The following MRPL19 variants were observed in gnomAD, a reference collection of about 807,000 sequenced individuals.
MRPL19 encodes the protein mitochondrial ribosomal protein L19, also known as large ribosomal subunit protein bL19m.
Under a neutral mutation model 34.0 loss-of-function variants are expected in MRPL19, and 31 were observed. The observed-to-expected ratio is 0.91, with a 90% CI of 0.68 to 1.23. The LOEUF (loss-of-function observed/expected upper bound fraction) is 1.23, where lower values mean the gene tolerates loss of function less well. Ranked by LOEUF, MRPL19 falls within the 50% of genes most tolerant of loss-of-function variation. The pLI, the probability that MRPL19 is intolerant of heterozygous loss-of-function variation, is 0.00. For missense variants in MRPL19, 384 were observed against 367.6 expected (o/e 1.04, Z -0.37); for synonymous variants, 152 against 127.7 (o/e 1.19, Z -1.28).
rs571937044 is a variant in MRPL19, at chr2:75,660,955, G to C, written c.*5670G>C. On this transcript the variant is annotated 3_prime_UTR_variant, in exon 6 of 6. Transcript: ENST00000393909. ...TTGGATATCTTGACCATAGTCTTTC[G>C]ACCCAGGTGTTTGCGGTTGTTAGTT... 3 of 152,158 alleles carry C rather than the reference G, an allele frequency of 2.0e-5. No individual in the cohort carries two copies. The East Asian group carries it at 5.8e-4, about 29-fold the overall frequency. 9.4% of individuals were successfully genotyped at this position (152,158 alleles called of 1,614,324 possible).
chr2:75,655,503 T>C lies in MRPL19; in HGVS notation c.*218T>C, dbSNP rs976249136. On this transcript the variant is annotated 3_prime_UTR_variant, in exon 6 of 6. Coordinates refer to ENST00000393909, the MANE Select transcript of MRPL19 (RefSeq NM_014763.4). ...AAATGGACCAATGTCCATTTGCTTATTGGAGGCAAAGCTACAATAGAAGTC... is the reference window on the plus strand; with the variant it reads ...AAATGGACCAATGTCCATTTGCTTACTGGAGGCAAAGCTACAATAGAAGTC... 4.7e-6 allele frequency: 2 copies of C among 423,020 alleles called. No individual in the cohort carries two copies. Among genetic ancestry groups the C allele is most frequent in the Non-Finnish European group, 4.2e-6 (1 of 239,646 alleles). The allele number at this position is 423,020 out of a possible 1,614,324, so 26.2% of individuals were successfully genotyped here.
In MRPL19 at chr2:75,661,180, G is replaced by C. The variant is rs1473578048; in HGVS notation, c.*5895G>C. 6.6e-6 allele frequency: 1 copy of C among 152,160 alleles called. No homozygotes were observed. Among genetic ancestry groups the C allele is most frequent in the Non-Finnish European group, 1.5e-5 (1 of 68,028 alleles). The allele number at this position is 152,160 out of a possible 1,614,324, so 9.4% of individuals were successfully genotyped here. ...CTGCTGCAACACCAGGGAGCTTGTG[G>C]GGGAAGGGCAAGCAGAAATGTCACA... On this transcript the variant is annotated 3_prime_UTR_variant, in exon 6 of 6. Transcript: ENST00000393909.
chr2:75,660,503 GTTTTAT>G lies in MRPL19; in HGVS notation c.*5226_*5231del, dbSNP rs1249939190. ...GATATTCCCCCCTTCCTGAGAGTTA[GTTTTAT>G]TTTTATTATTGAAGATTGTAGCAGT... On this transcript the variant is annotated 3_prime_UTR_variant, in exon 6 of 6. Transcript: ENST00000393909. 9 of 152,094 alleles carry G rather than the reference GTTTTAT, an allele frequency of 5.9e-5. No homozygotes were observed. Among genetic ancestry groups the G allele is most frequent in the Non-Finnish European group, 1.2e-4 (8 of 68,006 alleles). The allele number at this position is 152,094 out of a possible 1,614,324, so 9.4% of individuals were successfully genotyped here.
Position 75,655,962 on chromosome 2 carries a change from T to C in MRPL19, c.*677T>C, listed in dbSNP as rs1420442387. 6.6e-6 allele frequency: 1 copy of C among 152,130 alleles called. No individual in the cohort carries two copies. Among genetic ancestry groups the C allele is most frequent in the African/African-American group, 2.4e-5 (1 of 41,424 alleles). 9.4% of individuals were successfully genotyped at this position (152,130 alleles called of 1,614,324 possible). Reference sequence around the variant, plus strand: ...GGCTTCAAGGGAAACGTTACAGTCTTTGGGTCATAGTCTGGCTTCAGCTTC... The same window carrying C: ...GGCTTCAAGGGAAACGTTACAGTCTCTGGGTCATAGTCTGGCTTCAGCTTC... On this transcript the variant is annotated 3_prime_UTR_variant, in exon 6 of 6. Coordinates refer to ENST00000393909, the MANE Select transcript of MRPL19 (RefSeq NM_014763.4).
At position 75,656,889 on chromosome 2, in the gene MRPL19, G is replaced by C. The variant is rs1272783459; in HGVS notation, c.*1604G>C. 2.0e-5 allele frequency: 3 copies of C among 151,696 alleles called. No homozygotes were observed. Among genetic ancestry groups the C allele is most frequent in the African/African-American group, 7.3e-5 (3 of 41,264 alleles). 9.4% of individuals were successfully genotyped at this position (151,696 alleles called of 1,614,324 possible). A position where few individuals can be genotyped will look rare whatever the true frequency, so the allele number is the denominator to read the frequency against. ...TTTGGATGTTGGATATCCAGCACTG[G>C]GTATCTATTTTCTTACCTCCCTCCC... On this transcript the variant is annotated 3_prime_UTR_variant, in exon 6 of 6. Transcript: ENST00000393909.
At chr2:75,648,221 G>A (rs1459952148) in intron 2 of MRPL19, among the ~76,000 whole-genome samples, 3 of 152,118 alleles carry the variant, frequency 2.0e-5, no homozygotes, top group African/African-American at 7.2e-5. Flanking sequence ...ACTTAAATAG[G>A]AATGTAAATT....
chr2:75,647,914 GTC>G (rs1283205585), intron 2 of MRPL19, among the ~76,000 whole-genome samples: 1 of 152,018 alleles, frequency 6.6e-6, no homozygotes, highest in African/African-American at 2.4e-5. Context: ...TTTAGACAGA[GTC>G]TCTCTCAGTC....
chr2:75,650,356 T>A (rs1031443466), intron 2 of MRPL19, among the ~76,000 whole-genome samples: 1 of 152,210 alleles, frequency 6.6e-6, no homozygotes, highest in South Asian at 2.1e-4. Flanking sequence ...TTCACATAGC[T>A]TCATTTCTAC....
At chr2:75,649,471 T>A (rs1197152299) in intron 2 of MRPL19, among the ~76,000 whole-genome samples, 1 of 152,176 alleles carries the variant, frequency 6.6e-6, no homozygotes, top group Non-Finnish European at 1.5e-5. Context: ...TGGCTCAAGA[T>A]AATTCCTCCA....
At chr2:75,646,943 G>T in intron 1 of MRPL19, 33 bp downstream of exon 1, 2 of 1,536,338 alleles carry the variant, frequency 1.3e-6, no homozygotes, top group Non-Finnish European at 1.8e-6. Context: ...GCTGGGGCGC[G>T]TTAGGGGCCC....
In MRPL19 at chr2:75,657,884, G is replaced by C. The variant is rs903971448; in HGVS notation, c.*2599G>C. The C allele has an allele frequency of 2.6e-5, 4 of 151,314 alleles. No individual in the cohort carries two copies. Among genetic ancestry groups the C allele is most frequent in the African/African-American group, 9.7e-5 (4 of 41,110 alleles). 9.4% of individuals were successfully genotyped at this position (151,314 alleles called of 1,614,324 possible). On this transcript the variant is annotated 3_prime_UTR_variant, in exon 6 of 6. Transcript: ENST00000393909. Reference sequence around the variant, plus strand: ...AAGCTTTTTTTTTTTATTGTGGTAGGATATATATATAAAACATAATTTGCC... The same window carrying C: ...AAGCTTTTTTTTTTTATTGTGGTAGCATATATATATAAAACATAATTTGCC...
chr2:75,651,697 T>C (rs1678336128), intron 2 of MRPL19: 2 of 317,130 alleles, frequency 6.3e-6, no homozygotes, highest in Non-Finnish European at 1.2e-5. Context: ...ATGTCTTTTC[T>C]GACATAATTT....
Position 75,659,123 on chromosome 2 carries a change from G to A in MRPL19, c.*3838G>A, listed in dbSNP as rs1206352771. On this transcript the variant is annotated 3_prime_UTR_variant, in exon 6 of 6. Coordinates refer to ENST00000393909, the MANE Select transcript of MRPL19 (RefSeq NM_014763.4). Reference sequence around the variant, plus strand: ...TTATGGCCTTCTTTTCTGTTTTTTTGTAGTGAACTAGTCTGATTCTCTTTC... The same window carrying A: ...TTATGGCCTTCTTTTCTGTTTTTTTATAGTGAACTAGTCTGATTCTCTTTC... Among the ~76,000 whole-genome samples the A allele has an allele frequency of 3.3e-5, 5 of 150,802 alleles. No homozygotes were observed. Among genetic ancestry groups the A allele is most frequent in the South Asian group, 2.1e-4 (1 of 4,782 alleles).
intron 2 of MRPL19, among the ~76,000 whole-genome samples, chr2:75,649,267 G>T (rs1012459488): frequency 1.3e-5 from 2 of 152,218 alleles, no homozygotes; most frequent in Admixed American, 6.5e-5. Context: ...ACGAATAGAT[G>T]TAAAATACCT....
At chr2:75,649,542 A>G (rs903107306) in intron 2 of MRPL19, among the ~76,000 whole-genome samples, 2 of 152,226 alleles carry the variant, frequency 1.3e-5, no homozygotes, top group Admixed American at 6.5e-5. Context: ...TATCAAATTA[A>G]TGCTGACTTT....
At position 75,652,152 on chromosome 2, in the gene MRPL19, C is replaced by T. The variant is rs1293519400; in HGVS notation, c.232C>T (p.Pro78Ser). The stretch of plus-strand genomic sequence containing the variant: ...TTGTATTTTTTACAGGTTCTTGAGT[C>T]CTGAATTCATTCCTCGAAGGGGAAG... ...PVEPERRFLS[P>S]EFIPRRGRTD... Residue 78 changes from proline (P) to serine (S), a missense_variant, in exon 3 of 6, where the codon CCT becomes TCT. Transcript: ENST00000393909. 6.4e-7 allele frequency: 1 copy of T among 1,574,014 alleles called. No individual in the cohort carries two copies. Among genetic ancestry groups the T allele is most frequent in the South Asian group, 1.2e-5 (1 of 86,114 alleles).
intron 2 of MRPL19, chr2:75,647,826 A>T (rs1161652754): frequency 3.3e-5 from 5 of 152,170 alleles, no homozygotes; most frequent in African/African-American, 1.2e-4. Flanking sequence ...TGATATGATT[A>T]TAGGCTTTTT....
chr2:75,651,552 C>T, intron 2 of MRPL19: 1 of 444,400 alleles, frequency 2.3e-6, no homozygotes, highest in Non-Finnish European at 4.5e-6. Flanking sequence ...TCAAACTGGT[C>T]TATAGTCTTG....
chr2:75,647,866 C>T (rs528993558), intron 2 of MRPL19, among the ~76,000 whole-genome samples: 4 of 152,098 alleles, frequency 2.6e-5, no homozygotes, highest in East Asian at 3.9e-4. Context: ...GATTGGATTA[C>T]TTCTGGGATT....
Sources: gnomAD v4.1 joint callset for allele counts (sites outside exome capture counted in the v4.1 genomes callset) on GRCh38, gnomAD v4.1.1 for gene constraint, MANE v1.5 for transcripts, NCBI Gene and HGNC (gene_info 2026-07-23, HGNC 2026-07-21) for gene names.